Variants in LY75 observed in about 807,000 individuals in gnomAD.
LY75 encodes the protein lymphocyte antigen 75, also known as C-type lectin domain family 13 member B.
A neutral mutation model predicts 231.7 loss-of-function variants in LY75; 185 were observed. The observed-to-expected ratio is 0.80, with a 90% CI of 0.71 to 0.90. The LOEUF is 0.90. LY75 is among the 40% of genes least tolerant of loss of function. The probability of loss-of-function intolerance (pLI) is 0.00; values close to 1 mark genes in which losing one functional copy is unlikely to be tolerated. For missense variants in LY75, 1,947 were observed against 2,050.2 expected (o/e 0.95, Z 0.97); for synonymous variants, 668 against 689.0 (o/e 0.97, Z 0.48).
chr2:159,875,769 G>A, intron 11 of LY75, 126 bp from the exon 12 acceptor site: 2 of 1,162,948 alleles, frequency 1.7e-6, no homozygotes, highest in Non-Finnish European at 1.2e-6. Context: ...AACAAAGAGA[G>A]GAAAGAAATA....
chr2:159,828,324 C>A (rs1683542424), intron 28 of LY75, among the ~76,000 whole-genome samples: 2 of 151,258 alleles, frequency 1.3e-5, no homozygotes, highest in Admixed American at 6.6e-5. Context: ...TAAAAAGACT[C>A]AATTTAAAAC....
Position 159,853,544 on chromosome 2 carries a change from A to G in LY75, c.2663+86T>C, listed in dbSNP as rs1047858837. On this transcript the variant is annotated intron_variant, in intron 19 of 34. Transcript: ENST00000263636. Reference sequence around the variant, plus strand: ...CAGTTTATGGATTAATATTCAAACTACTTATAAATAGAAATCCATTTAGTA... The same window carrying G: ...CAGTTTATGGATTAATATTCAAACTGCTTATAAATAGAAATCCATTTAGTA... The G allele has an allele frequency of 1.2e-5, 19 of 1,579,572 alleles. No homozygotes were observed. The East Asian group carries it at 2.3e-4, about 19-fold the overall frequency.
intron 29 of LY75, 99 bp from the exon 30 acceptor site, chr2:159,817,131 TG>T: frequency 7.7e-7 from 1 of 1,294,074 alleles, no homozygotes; most frequent in Non-Finnish European, 1.0e-6. Context: ...TAAATAAAAC[TG>T]GGTTTCTTAT....
chr2:159,879,154 A>C, intron 9 of LY75, 105 bp downstream of exon 9: 1 of 1,252,448 alleles, frequency 8.0e-7, no homozygotes, highest in Non-Finnish European at 1.1e-6. Context: ...AGAAGCTAGT[A>C]GTTTCCTCTA....
rs148960179 is a variant in LY75, at chr2:159,834,838, G to A, written c.3674-627C>T. Among the ~76,000 whole-genome samples the A allele has an allele frequency of 1.0e-3, 157 of 152,224 alleles. 2 individuals are homozygous for A. The highest frequency in any genetic ancestry group is 3.6e-3 in the African/African-American group (148 of 41,540). On this transcript the variant is annotated intron_variant, in intron 26 of 34. Coordinates refer to ENST00000263636, the MANE Select transcript of LY75 (RefSeq NM_002349.4). ...CAGAGATCACTCAGTATCTCTCCTG[G>A]ATCACAATAAGTCCCTTTGTCCATG...
chr2:159,818,246 A>G (rs1683182138), intron 29 of LY75, among the ~76,000 whole-genome samples: 1 of 152,124 alleles, frequency 6.6e-6, no homozygotes, highest in Non-Finnish European at 1.5e-5. Context: ...GGAAAGGAGG[A>G]AAAGAGGTAA....
intron 29 of LY75, among the ~76,000 whole-genome samples, chr2:159,817,245 T>C (rs2125831709): frequency 6.6e-6 from 1 of 152,346 alleles, no homozygotes; most frequent in East Asian, 1.9e-4. Context: ...CATAAACATT[T>C]TCTTTGATTT....
intron 2 of LY75, among the ~76,000 whole-genome samples, chr2:159,897,837 C>A (rs4286237): frequency 1.4e-4 from 22 of 152,240 alleles, no homozygotes; most frequent in Middle Eastern, 6.8e-3. Context: ...AAAAATAAAT[C>A]TACTCATTCT....
At chr2:159,840,101 T>C (rs538218125) in intron 25 of LY75, among the ~76,000 whole-genome samples, 79 of 152,062 alleles carry the variant, frequency 5.2e-4, no homozygotes, top group African/African-American at 1.8e-3. Flanking sequence ...TTTAAATTCT[T>C]CCCTTATCTT....
intron 14 of LY75, among the ~76,000 whole-genome samples, chr2:159,861,406 T>C (rs1684695180): frequency 6.6e-6 from 1 of 152,156 alleles, no homozygotes; most frequent in Non-Finnish European, 1.5e-5. Context: ...TGTGGAATAA[T>C]AGCAAGGATT....
chr2:159,872,125 C>T (rs1685033456), intron 13 of LY75: 1 of 189,200 alleles, frequency 5.3e-6, no homozygotes, highest in Non-Finnish European at 1.1e-5. Flanking sequence ...GACATTTTTC[C>T]TGATTATACT....
At chr2:159,820,226 A>G (rs912023334) in intron 28 of LY75, among the ~76,000 whole-genome samples, 1 of 152,238 alleles carries the variant, frequency 6.6e-6, no homozygotes, top group African/African-American at 2.4e-5. Context: ...ATACTTGCAC[A>G]TGCATGTTTA....
chr2:159,831,914 A>G, intron 27 of LY75, 128 bp from the exon 28 acceptor site: 1 of 701,478 alleles, frequency 1.4e-6, no homozygotes, highest in Non-Finnish European at 2.2e-6. Flanking sequence ...GGACAATTAG[A>G]AACATATGTA....
At chr2:159,886,301 G>C (rs1685582538) in intron 5 of LY75, 119 bp downstream of exon 5, 2 of 1,109,878 alleles carry the variant, frequency 1.8e-6, no homozygotes, top group Non-Finnish European at 2.4e-6. Context: ...ATTCTTCTGA[G>C]AGGTAACCAT....
chr2:159,851,746 T>G (rs180994636), intron 21 of LY75, among the ~76,000 whole-genome samples: 1 of 152,322 alleles, frequency 6.6e-6, no homozygotes, highest in Admixed American at 6.5e-5. Flanking sequence ...GGAGGCAAGA[T>G]CAATGATTAA....
At position 159,872,499 on chromosome 2, in the gene LY75, T is replaced by C. The variant is rs114350291; in HGVS notation, c.2069A>G (p.His690Arg). 10 of 1,614,014 alleles carry C rather than the reference T, an allele frequency of 6.2e-6. No individual in the cohort carries two copies. Among genetic ancestry groups the C allele is most frequent in the South Asian group, 2.2e-5 (2 of 91,086 alleles). ...ALGAHLSSFS[H>R]VDEIKEFLHF... is the part of the protein sequence containing the mutation. ...AAGAAATTCCTTTATTTCATCCACA[T>C]GGCTGAAGCTAGAAAGGTGTGCTCC... The change falls in exon 13 of 35, where the codon CAT (histidine) becomes CGT (arginine). Residue 690 changes from histidine to arginine, a missense_variant. Coordinates refer to ENST00000263636, the MANE Select transcript of LY75 (RefSeq NM_002349.4).
intron 23 of LY75, among the ~76,000 whole-genome samples, chr2:159,849,651 A>C (rs896883586): frequency 6.6e-6 from 1 of 152,166 alleles, no homozygotes; most frequent in East Asian, 1.9e-4. Context: ...ACTGAGCTAT[A>C]ATTCATATAT....
chr2:159,856,610 A>C (rs928833619), intron 16 of LY75, among the ~76,000 whole-genome samples: 1 of 152,184 alleles, frequency 6.6e-6, no homozygotes, highest in Non-Finnish European at 1.5e-5. Context: ...CATAACATTT[A>C]AACCCTGGAG....
intron 7 of LY75, 129 bp from the exon 8 acceptor site, chr2:159,881,369 T>C: frequency 8.9e-7 from 1 of 1,127,944 alleles, no homozygotes; most frequent in Non-Finnish European, 1.2e-6. Flanking sequence ...ATTCGGTTAT[T>C]AATATGTTGA....
Sources: allele counts gnomAD v4.1 joint callset (sites outside exome capture counted in the v4.1 genomes callset), GRCh38; gene constraint gnomAD v4.1.1; transcripts MANE v1.5; gene names NCBI Gene and HGNC (gene_info 2026-07-23, HGNC 2026-07-21).